The following UBE3C variants were observed in gnomAD, a reference collection of about 807,000 sequenced individuals.
UBE3C encodes the protein ubiquitin-protein ligase E3C.
Under a neutral mutation model 129.4 loss-of-function variants are expected in UBE3C, and 42 were observed. The observed-to-expected ratio is 0.32, with a 90% CI of 0.25 to 0.42. The LOEUF (loss-of-function observed/expected upper bound fraction) is 0.42, where lower values mean the gene tolerates loss of function less well. UBE3C is among the 10% of genes least tolerant of loss of function. The probability of loss-of-function intolerance (pLI) is 1.00; values close to 1 mark genes in which losing one functional copy is unlikely to be tolerated. For missense variants in UBE3C, 1,049 were observed against 1,319.1 expected, an observed-to-expected ratio of 0.80 and a Z score of 3.17; for synonymous variants, 510 against 492.4, an observed-to-expected ratio of 1.04 and a Z score of -0.47.
At position 157,267,775 on chromosome 7, in the gene UBE3C, C is replaced by T. The variant is rs764708341; in HGVS notation, c.*20C>T. 4 of 1,558,314 alleles carry T rather than the reference C, an allele frequency of 2.6e-6. No homozygotes were observed. Among genetic ancestry groups the T allele is most frequent in the Non-Finnish European group, 3.5e-6 (4 of 1,154,436 alleles). ...AGCTGAAGCTGATGCTGGGGTCAGA[C>T]CCCTACAGAGAACCAGTGCTTCCTT... On this transcript the variant is annotated 3_prime_UTR_variant, in exon 23 of 23. Coordinates refer to ENST00000348165, the MANE Select transcript of UBE3C (RefSeq NM_014671.3).
chr7:157,189,031 C>T (rs1216271935), intron 10 of UBE3C: 12 of 504,890 alleles, frequency 2.4e-5, no homozygotes, highest in Non-Finnish European at 3.6e-5. Flanking sequence ...ACCGGGAAGA[C>T]ACAGGACAGT....
chr7:157,225,310 A>G (rs1795845964), intron 16 of UBE3C, 97 bp from the exon 17 acceptor site: 4 of 1,398,026 alleles, frequency 2.9e-6, no homozygotes, highest in Non-Finnish European at 3.8e-6. Context: ...TTCAGAATTT[A>G]TGAAGATACA....
At chr7:157,170,539 A>C in intron 4 of UBE3C, 89 bp downstream of exon 4, 1 of 1,346,738 alleles carries the variant, frequency 7.4e-7, no homozygotes, top group Non-Finnish European at 9.7e-7. Flanking sequence ...TCAGAAAGTT[A>C]AACAGCTCTC....
intron 1 of UBE3C, among the ~76,000 whole-genome samples, chr7:157,152,548 A>C (rs1807785987): frequency 6.6e-6 from 1 of 151,986 alleles, no homozygotes; most frequent in African/African-American, 2.4e-5. Flanking sequence ...GCTCCTCACT[A>C]TTTGTTCTCC....
At position 157,230,933 on chromosome 7, in the gene UBE3C, A is replaced by G. The variant is rs1202823948; in HGVS notation, c.2234-147A>G. 6 of 1,222,130 alleles carry G rather than the reference A, an allele frequency of 4.9e-6. 1 individual carries two copies. Among genetic ancestry groups the G allele is most frequent in the African/African-American group, 3.0e-5 (2 of 65,648 alleles). The allele number at this position is 1,222,130 out of a possible 1,614,324, so 75.7% of individuals were successfully genotyped here. The stretch of plus-strand genomic sequence containing the variant: ...GAGCAAGACTCTGTCTCAAAAAATA[A>G]TGATAATATCATTGCTGTTTTGAGT... On this transcript the variant is annotated intron_variant, in intron 17 of 22. Coordinates refer to ENST00000348165, the MANE Select transcript of UBE3C (RefSeq NM_014671.3).
At chr7:157,242,917 T>C (rs964390319) in intron 18 of UBE3C, among the ~76,000 whole-genome samples, 15 of 151,984 alleles carry the variant, frequency 9.9e-5, no homozygotes, top group Non-Finnish European at 2.2e-4. Flanking sequence ...AAGCTGGGCG[T>C]GGTGGTGGTT....
intron 18 of UBE3C, among the ~76,000 whole-genome samples, chr7:157,237,357 C>T (rs1268716575): frequency 2.0e-5 from 3 of 152,038 alleles, no homozygotes; most frequent in Admixed American, 1.3e-4. Flanking sequence ...AGGAGAATGG[C>T]GTGAACCCGG....
chr7:157,142,525 G>A (rs1276290137), intron 1 of UBE3C, among the ~76,000 whole-genome samples: 1 of 152,176 alleles, frequency 6.6e-6, no homozygotes, highest in African/African-American at 2.4e-5. Flanking sequence ...TGAAGGATGG[G>A]TGTAATTAGG....
intron 13 of UBE3C, among the ~76,000 whole-genome samples, chr7:157,212,394 C>T (rs1473530153): frequency 1.3e-5 from 2 of 152,178 alleles, no homozygotes; most frequent in Non-Finnish European, 2.9e-5. Context: ...CATCTCCATA[C>T]AGAAATGTCA....
chr7:157,179,648 G>A (rs764410003), intron 6 of UBE3C, among the ~76,000 whole-genome samples: 9 of 152,188 alleles, frequency 5.9e-5, no homozygotes, highest in Non-Finnish European at 1.0e-4. Flanking sequence ...ATGTGCGTGA[G>A]ACTAGTTGTG....
intron 6 of UBE3C, among the ~76,000 whole-genome samples, chr7:157,180,450 G>A (rs1044135486): frequency 1.3e-5 from 2 of 152,184 alleles, no homozygotes; most frequent in East Asian, 1.9e-4. Flanking sequence ...TAGACTTGGG[G>A]TAGTTACAAA....
At chr7:157,139,401 G>GGACTCGGGGTTA in intron 1 of UBE3C, 63 bp downstream of exon 1, 1 of 1,349,494 alleles carries the variant, frequency 7.4e-7, no homozygotes, top group South Asian at 1.4e-5. Flanking sequence ...CTCGGGGCTG[G>GGACTCGGGGTTA]GACTCGGGGC....
chr7:157,161,947 G>A (rs1808082125), intron 1 of UBE3C, among the ~76,000 whole-genome samples: 1 of 151,758 alleles, frequency 6.6e-6, no homozygotes, highest in East Asian at 2.0e-4. Flanking sequence ...GTATGCACCC[G>A]TAGTCCCAGT....
rs1797136074 is a variant in UBE3C, at chr7:157,268,402, G to C, written c.*647G>C. 1 of 152,708 alleles carries C rather than the reference G, an allele frequency of 6.5e-6. No individual in the cohort carries two copies. The highest frequency in any genetic ancestry group is 2.4e-5 in the African/African-American group (1 of 41,450). The allele number at this position is 152,708 out of a possible 1,614,324, so 9.5% of individuals were successfully genotyped here. A position where few individuals can be genotyped will look rare whatever the true frequency, so the allele number is the denominator to read the frequency against. On this transcript the variant is annotated 3_prime_UTR_variant, in exon 23 of 23. Coordinates refer to ENST00000348165, the MANE Select transcript of UBE3C (RefSeq NM_014671.3). ...TCATGATGGTTTGGAGATACTGTCT[G>C]TGGATGTGAGGTGGGGACTTCATTC...
At chr7:157,167,712 A>G (rs766313767) in intron 2 of UBE3C, among the ~76,000 whole-genome samples, 1 of 151,550 alleles carries the variant, frequency 6.6e-6, no homozygotes, top group Non-Finnish European at 1.5e-5. Flanking sequence ...AATTTTTTGT[A>G]TTTTTAGAAG....
chr7:157,250,920 A>G (rs1796606061), intron 19 of UBE3C, among the ~76,000 whole-genome samples: 1 of 152,228 alleles, frequency 6.6e-6, no homozygotes, highest in South Asian at 2.1e-4. Context: ...ATAAATGTTA[A>G]TAGTGAAACG....
rs977664025 is a variant in UBE3C, at chr7:157,162,031, A to G, written c.67-1779A>G. Among the ~76,000 whole-genome samples the G allele has an allele frequency of 2.6e-5, 4 of 151,930 alleles. No homozygotes were observed. In the South Asian group the frequency reaches 8.3e-4, roughly 32 times the overall value. ...GTTGCAGTGAGCCAAGATCGCCACT[A>G]CACTCCAGCCCTGGGTGACAGAGCA... On this transcript the variant is annotated intron_variant, in intron 1 of 22. Transcript: ENST00000348165.
At chr7:157,195,055 A>G (rs1809079000) in intron 10 of UBE3C, among the ~76,000 whole-genome samples, 1 of 152,258 alleles carries the variant, frequency 6.6e-6, no homozygotes, top group East Asian at 1.9e-4. Flanking sequence ...AGAGAAAGTG[A>G]TGAAGGTATG....
intron 1 of UBE3C, among the ~76,000 whole-genome samples, chr7:157,155,445 A>G (rs1807875415): frequency 6.6e-6 from 1 of 152,234 alleles, no homozygotes; most frequent in Non-Finnish European, 1.5e-5. Context: ...TTTTAAATCA[A>G]GATATTTACA....
Sources: gnomAD v4.1 joint callset for allele counts (sites outside exome capture counted in the v4.1 genomes callset) on GRCh38, gnomAD v4.1.1 for gene constraint, MANE v1.5 for transcripts, NCBI Gene and HGNC (gene_info 2026-07-23, HGNC 2026-07-21) for gene names.